Variants in PHETA2 observed in about 807,000 individuals in gnomAD.
PHETA2 encodes the protein PH domain containing endocytic trafficking adaptor 2.
For missense variants in PHETA2, 321 were observed against 341.3 expected (o/e 0.94, Z 0.47); for synonymous variants, 133 against 142.9 (o/e 0.93, Z 0.50).
Position 42,075,055 on chromosome 22 carries a change from G to A in PHETA2, c.-96-516G>A, listed in dbSNP as rs149639060. 1.4e-4 allele frequency among the ~76,000 whole-genome samples: 21 copies of A among 152,254 alleles called. No homozygotes were observed. In the East Asian group the frequency reaches 2.1e-3, roughly 15 times the overall value. ...CTGAGGGCCTCTCTGAGCCCTGCACGGTGCTGGGTATTGGGGTTCTCCTGG... is the reference window on the plus strand; with the variant it reads ...CTGAGGGCCTCTCTGAGCCCTGCACAGTGCTGGGTATTGGGGTTCTCCTGG... On this transcript the variant is annotated intron_variant, in intron 1 of 2. Transcript: ENST00000321753. This position sits in a 1 kb window ranked among gnomAD's most constrained non-coding sequence, Gnocchi z 4.8.
intron 2 of PHETA2, 26 bp from the exon 3 acceptor site, chr22:42,077,254 C>G (rs377025573): frequency 2.6e-6 from 4 of 1,510,784 alleles, no homozygotes; most frequent in South Asian, 2.7e-5. Flanking sequence ...CCTCTCTGAT[C>G]TGCTGCCATC....
intron 1 of PHETA2, among the ~76,000 whole-genome samples, chr22:42,074,626 C>A (rs1386114476): frequency 6.6e-6 from 1 of 152,204 alleles, no homozygotes; most frequent in Admixed American, 6.5e-5. Flanking sequence ...GCCTGGCCCC[C>A]CTACTGGTGG....
Position 42,077,780 on chromosome 22 carries a change from A to C in PHETA2, c.487A>C (p.Asn163His). 1 of 1,612,822 alleles carries C rather than the reference A, an allele frequency of 6.2e-7. No individual in the cohort carries two copies. The highest frequency in any genetic ancestry group is 8.5e-7 in the Non-Finnish European group (1 of 1,179,996). Reference sequence around the variant, plus strand: ...CAGCCGCTGTAAGCCCCAGGCTCCTAACCACCGAGCTGCGGGCCTGGAGAA... The same window carrying C: ...CAGCCGCTGTAAGCCCCAGGCTCCTCACCACCGAGCTGCGGGCCTGGAGAA... ...VASRCKPQAP[N>H]HRAAGLENGH... Residue 163 changes from asparagine to histidine, a missense_variant, in exon 3 of 3, where the codon AAC becomes CAC. By Grantham distance (68) the Asn-to-His change is moderately conservative (BLOSUM62 1). Transcript: ENST00000321753.
At chr22:42,076,274 A>G (rs1284349319) in intron 2 of PHETA2, 2 of 159,378 alleles carry the variant, frequency 1.3e-5, no homozygotes, top group African/African-American at 2.4e-5. Flanking sequence ...TCAACAATGT[A>G]TAGCCAATCA....
In PHETA2 at chr22:42,078,133, C is replaced by T; in HGVS notation, c.*60C>T. The stretch of plus-strand genomic sequence containing the variant: ...TTCTTTTTCAGGAGTTAAATGTTTA[C>T]CCATTTCCAAGGTTGCGTTTTGGGA... On this transcript the variant is annotated 3_prime_UTR_variant, in exon 3 of 3. Transcript: ENST00000321753. 2 of 1,459,148 alleles carry T rather than the reference C, an allele frequency of 1.4e-6. No individual in the cohort carries two copies. Among genetic ancestry groups the T allele is most frequent in the Non-Finnish European group, 1.8e-6 (2 of 1,103,170 alleles). The allele number at this position is 1,459,148 out of a possible 1,614,324, so 90.4% of individuals were successfully genotyped here.
At chr22:42,076,732 T>C (rs1927295933) in intron 2 of PHETA2, among the ~76,000 whole-genome samples, 1 of 152,228 alleles carries the variant, frequency 6.6e-6, no homozygotes, top group African/African-American at 2.4e-5. Context: ...TCTGGGCAGT[T>C]ATCCTTACTC....
At position 42,078,103 on chromosome 22, in the gene PHETA2, G is replaced by A. The variant is rs1927405444; in HGVS notation, c.*30G>A. ...GGGCCCTTTGAGTCAGGAAACCAGG[G>A]CCAGTTCTTTTTCAGGAGTTAAATG... On this transcript the variant is annotated 3_prime_UTR_variant, in exon 3 of 3. Transcript: ENST00000321753. 2 of 1,496,982 alleles carry A rather than the reference G, an allele frequency of 1.3e-6. No individual in the cohort carries two copies. Among genetic ancestry groups the A allele is most frequent in the Non-Finnish European group, 1.8e-6 (2 of 1,123,636 alleles). The allele number at this position is 1,496,982 out of a possible 1,614,324, so 92.7% of individuals were successfully genotyped here.
rs1205958821 is a variant in PHETA2, at chr22:42,077,959, C to T, written c.666C>T (p.Ser222=). The part of the protein sequence containing the change: ...KGQSPVSPET[S]CFSTLHDWYG... Reference sequence around the variant, plus strand: ...AGAGCCCTGTGTCCCCTGAGACCTCCTGCTTCTCTACCCTGCATGACTGGT... The same window carrying T: ...AGAGCCCTGTGTCCCCTGAGACCTCTTGCTTCTCTACCCTGCATGACTGGT... Residue 222 remains serine (S), a synonymous_variant, in exon 3 of 3, where the codon TCC becomes TCT. Coordinates refer to ENST00000321753, the MANE Select transcript of PHETA2 (RefSeq NM_001002034.3). The T allele has an allele frequency of 1.9e-6, 3 of 1,611,528 alleles. No homozygotes were observed. In the African/African-American group the frequency reaches 4.0e-5, roughly 22 times the overall value.
intron 1 of PHETA2, among the ~76,000 whole-genome samples, chr22:42,074,878 T>G (rs1347329654): frequency 1.3e-5 from 2 of 152,254 alleles, no homozygotes; most frequent in African/African-American, 4.8e-5. Flanking sequence ...CCTTATGTTA[T>G]CTCTTATTTC....
rs1242283146 is a variant in PHETA2, at chr22:42,075,412, A to T, written c.-96-159A>T. Among the ~76,000 whole-genome samples, 1 of 152,178 alleles carries T rather than the reference A, an allele frequency of 6.6e-6. No individual in the cohort carries two copies. The highest frequency in any genetic ancestry group is 2.4e-5 in the African/African-American group (1 of 41,440). Reference sequence around the variant, plus strand: ...CAAGACAAGGGGACCCATCCCCTTAAGCTGCTCAGGGGTTCCTGGCTGGGT... The same window carrying T: ...CAAGACAAGGGGACCCATCCCCTTATGCTGCTCAGGGGTTCCTGGCTGGGT... On this transcript the variant is annotated intron_variant, in intron 1 of 2. Transcript: ENST00000321753. This position sits in a 1 kb window ranked among gnomAD's most constrained non-coding sequence, Gnocchi z 4.8.
chr22:42,077,393 C>A lies in PHETA2; in HGVS notation c.100C>A (p.Pro34Thr), dbSNP rs775937104. Residue 34 changes from proline (P) to threonine (T), a missense_variant, in exon 3 of 3, where the codon CCG (proline) becomes ACG (threonine). By Grantham distance (38) the Pro-to-Thr change is conservative (BLOSUM62 -1). Coordinates refer to ENST00000321753, the MANE Select transcript of PHETA2 (RefSeq NM_001002034.3). The part of the protein sequence containing the change: ...LRTWGGPGTP[P>T]TPSGTGRRCW... ...CACCTGGGGGGGCCCAGGGACCCCA[C>A]CGACCCCCAGTGGCACTGGCCGAAG... 13 of 1,608,370 alleles carry A rather than the reference C, an allele frequency of 8.1e-6. No individual in the cohort carries two copies. In the South Asian group the frequency reaches 1.4e-4, roughly 18 times the overall value.
Position 42,077,418 on chromosome 22 carries a change from G to A in PHETA2, c.125G>A (p.Arg42Lys). ...TPPTPSGTGR[R>K]CWFVLKGNLL... ...CCGACCCCCAGTGGCACTGGCCGAA[G>A]ATGCTGGTTTGTCCTCAAGGGCAAC... Residue 42 changes from arginine (R) to lysine (K), a missense_variant, in exon 3 of 3, where the codon AGA becomes AAA. Coordinates refer to ENST00000321753, the MANE Select transcript of PHETA2 (RefSeq NM_001002034.3). The A allele has an allele frequency of 6.2e-7, 1 of 1,612,938 alleles. No individual in the cohort carries two copies. Among genetic ancestry groups the A allele is most frequent in the Non-Finnish European group, 8.5e-7 (1 of 1,179,316 alleles).
chr22:42,077,751 T>C lies in PHETA2; in HGVS notation c.458T>C (p.Val153Ala). Residue 153 changes from valine (V) to alanine (A), a missense_variant, in exon 3 of 3, where the codon GTT (valine) becomes GCT (alanine). Val to Ala is a moderately conservative substitution (Grantham distance 64). Transcript: ENST00000321753. ...CAACGCCGCTCATCCTGGAAGTCTGTTGCCAGCCGCTGTAAGCCCCAGGCT... is the reference window on the plus strand; with the variant it reads ...CAACGCCGCTCATCCTGGAAGTCTGCTGCCAGCCGCTGTAAGCCCCAGGCT... ...ALQRRSSWKS[V>A]ASRCKPQAPN... The C allele has an allele frequency of 6.2e-7, 1 of 1,613,510 alleles. No individual in the cohort carries two copies. Among genetic ancestry groups the C allele is most frequent in the Non-Finnish European group, 8.5e-7 (1 of 1,180,034 alleles).
rs1927249152 is a variant in PHETA2 at position 42,075,499 on chromosome 22, T to C, written c.-96-72T>C. On this transcript the variant is annotated intron_variant, in intron 1 of 2. Transcript: ENST00000321753. The surrounding 1 kb of genome is among the most constrained non-coding windows in gnomAD (Gnocchi z 4.8). The stretch of plus-strand genomic sequence containing the variant: ...TTCCCGGTGGAGGCTGTGGTTTCAT[T>C]AGGCCTCGAAGGTGGAGTAGGAGTT... 6.6e-6 allele frequency: 1 copy of C among 152,260 alleles called. No individual in the cohort carries two copies. Among genetic ancestry groups the C allele is most frequent in the Admixed American group, 6.5e-5 (1 of 15,284 alleles). 9.4% of individuals were successfully genotyped at this position (152,260 alleles called of 1,614,324 possible).
intron 1 of PHETA2, among the ~76,000 whole-genome samples, chr22:42,074,664 C>CG (rs1971476609): frequency 1.3e-5 from 2 of 152,112 alleles, no homozygotes; most frequent in Admixed American, 1.3e-4. Context: ...TCCCCAGACG[C>CG]GGGGGAGGGG....
chr22:42,079,161 A>G lies in PHETA2; in HGVS notation c.*1088A>G, dbSNP rs1313427487. The G allele has an allele frequency of 6.0e-6, 1 of 167,264 alleles. No homozygotes were observed. The highest frequency in any genetic ancestry group is 1.5e-5 in the Non-Finnish European group (1 of 68,234). The allele number at this position is 167,264 out of a possible 1,614,324, so 10.4% of individuals were successfully genotyped here. A position where few individuals can be genotyped will look rare whatever the true frequency, so the allele number is the denominator to read the frequency against. ...AGGCCGGGAAGAGACACCCCCTCCCAAACACATAAAACTTGCCCCTTCCTA... is the reference window on the plus strand; with the variant it reads ...AGGCCGGGAAGAGACACCCCCTCCCGAACACATAAAACTTGCCCCTTCCTA... On this transcript the variant is annotated 3_prime_UTR_variant, in exon 3 of 3. Transcript: ENST00000321753.
Position 42,077,920 on chromosome 22 carries a change from C to A in PHETA2, c.627C>A (p.Leu209=). Residue 209 remains leucine (L), a synonymous_variant, in exon 3 of 3, where the codon CTC becomes CTA. Coordinates refer to ENST00000321753, the MANE Select transcript of PHETA2 (RefSeq NM_001002034.3). ...AGCTGCAGGGCCCTGCCAGCCTCCT[C>A]CTAGGCAAGGGGCAGAGCCCTGTGT... The part of the protein sequence containing the change: ...EWELQGPASL[L]LGKGQSPVSP... The A allele has an allele frequency of 6.2e-7, 1 of 1,613,280 alleles. No individual in the cohort carries two copies. Among genetic ancestry groups the A allele is most frequent in the South Asian group, 1.1e-5 (1 of 90,978 alleles).
In PHETA2 at chr22:42,075,865, G is replaced by A. The variant is rs893041401; in HGVS notation, c.-15+213G>A. On this transcript the variant is annotated intron_variant, in intron 2 of 2. Coordinates refer to ENST00000321753, the MANE Select transcript of PHETA2 (RefSeq NM_001002034.3). The surrounding 1 kb of genome is among the most constrained non-coding windows in gnomAD (Gnocchi z 4.8). ...TACCCTGGGTTTGTGCCACACTCTT[G>A]TGTACAGAGTAGCTCCCCATCTGGC... Among the ~76,000 whole-genome samples, 2 of 152,124 alleles carry A rather than the reference G, an allele frequency of 1.3e-5. No homozygotes were observed. The highest frequency in any genetic ancestry group is 4.8e-5 in the African/African-American group (2 of 41,420).
Position 42,077,266 on chromosome 22 carries a change from C to T in PHETA2, c.-14-14C>T. 4.6e-6 allele frequency: 7 copies of T among 1,515,256 alleles called. No homozygotes were observed. Among genetic ancestry groups the T allele is most frequent in the South Asian group, 1.3e-5 (1 of 75,380 alleles). 93.9% of individuals were successfully genotyped at this position (1,515,256 alleles called of 1,614,324 possible). The stretch of plus-strand genomic sequence containing the variant: ...CTCCCTCTCTGATCTGCTGCCATCT[C>T]TCTTGCCTCACAGTTCCCGTGGGAG... On this transcript the variant is annotated splice_polypyrimidine_tract_variant and intron_variant, in intron 2 of 2. Transcript: ENST00000321753.
Sources: allele counts gnomAD v4.1 joint callset (sites outside exome capture counted in the v4.1 genomes callset), GRCh38; gene constraint gnomAD v4.1.1; non-coding constraint Gnocchi (gnomAD v3.1); transcripts MANE v1.5; gene names NCBI Gene and HGNC (gene_info 2026-07-23, HGNC 2026-07-21).